CLSTN1: variants seen among roughly 807,000 people sequenced by gnomAD.
CLSTN1 encodes calsyntenin-1.
In CLSTN1, 28 loss-of-function variants were observed where a neutral mutation model predicts 108.3. The observed-to-expected ratio is 0.26, with a 90% confidence interval of 0.19 to 0.35. The LOEUF is 0.35. Among genes scored for constraint, CLSTN1 ranks in the 10% least tolerant of loss-of-function variants. The pLI is 1.00. For missense variants in CLSTN1, 1,157 were observed against 1,302.6 expected (o/e 0.89, Z 1.72); for synonymous variants, 524 against 534.9 (o/e 0.98, Z 0.28).
chr1:9,797,326 G>C (rs1172402496), intron 1 of CLSTN1, among the ~76,000 whole-genome samples: 1 of 152,108 alleles, frequency 6.6e-6, no homozygotes, highest in Non-Finnish European at 1.5e-5. Context: ...AAGTGGGGGA[G>C]GGAGAGGGTA....
Position 9,730,669 on chromosome 1 carries a change from C to G in CLSTN1, c.2785G>C (p.Glu929Gln), listed in dbSNP as rs1277219390. 1.2e-6 allele frequency: 2 copies of G among 1,605,692 alleles called. No homozygotes were observed. The highest frequency in any genetic ancestry group is 1.7e-6 in the Non-Finnish European group (2 of 1,177,696). ...EDQHSSEEEE[E>Q]EEEEEESEDG... Reference sequence around the variant, plus strand: ...TCGCTTTCCTCTTCCTCTTCCTCTTCCTCCTCCTCCTCACTGCTGTGCTGG... The same window carrying G: ...TCGCTTTCCTCTTCCTCTTCCTCTTGCTCCTCCTCCTCACTGCTGTGCTGG... The change falls in exon 19 of 19, where the codon GAA (glutamate) becomes CAA (glutamine). Residue 929 changes from glutamate to glutamine, a missense_variant. Glu to Gln is a conservative substitution (Grantham distance 29). Transcript: ENST00000377298. This position sits in a 1 kb window ranked among gnomAD's most constrained non-coding sequence, Gnocchi z 5.6.
At chr1:9,766,802 CTG>C (rs1319609256) in intron 2 of CLSTN1, among the ~76,000 whole-genome samples, 1 of 152,218 alleles carries the variant, frequency 6.6e-6, no homozygotes, top group South Asian at 2.1e-4. Flanking sequence ...TACCAAGACT[CTG>C]TATCAGAATT....
intron 4 of CLSTN1, among the ~76,000 whole-genome samples, chr1:9,753,096 G>C (rs1323939183): frequency 1.3e-5 from 2 of 152,112 alleles, no homozygotes; most frequent in African/African-American, 2.4e-5. Context: ...TCCACAGATG[G>C]GGGTGGGAGG....
At chr1:9,741,285 G>A in intron 9 of CLSTN1, 29 bp from the exon 10 acceptor site, 3 of 1,584,564 alleles carry the variant, frequency 1.9e-6, no homozygotes, top group South Asian at 1.1e-5. Context: ...GCGGGGAGGT[G>A]TGAGATGTCC....
Position 9,731,269 on chromosome 1 carries a change from G to A in CLSTN1, c.2685C>T (p.Thr895=), listed in dbSNP as rs773858861. 61 of 1,614,126 alleles carry A rather than the reference G, an allele frequency of 3.8e-5. No homozygotes were observed. The highest frequency in any genetic ancestry group is 4.4e-5 in the South Asian group (4 of 91,088). The change falls in exon 18 of 19, where the codon ACC becomes ACT. Residue 895 remains threonine, a synonymous_variant. Transcript: ENST00000377298. ...CCCAGTCCATCTCGTTCTCCTTCCC[G>A]GTGTCCTGATCCCGCATGGTCCGCC... ...AHRRTMRDQD[T]GKENEMDWDD... is the part of the protein sequence containing the mutation.
intron 1 of CLSTN1, among the ~76,000 whole-genome samples, chr1:9,797,764 GA>G (rs1186130036): frequency 6.6e-6 from 1 of 152,020 alleles, no homozygotes; most frequent in East Asian, 1.9e-4. Context: ...AGAGAGAGGG[GA>G]GGACAAGGTA....
At position 9,735,589 on chromosome 1, in the gene CLSTN1, T is replaced by C; in HGVS notation, c.1761A>G (p.Val587=). The C allele has an allele frequency of 6.2e-7, 1 of 1,614,004 alleles. No individual in the cohort carries two copies. The highest frequency in any genetic ancestry group is 8.5e-7 in the Non-Finnish European group (1 of 1,180,012). ...VQIQAHPSQL[V]LTLEGEDLGE... The stretch of plus-strand genomic sequence containing the variant: ...CGAGGTCTTCTCCCTCCAAGGTCAA[T>C]ACCAACTGGCTGGGGTGTGCTTGGA... Residue 587 remains valine, a synonymous_variant, in exon 13 of 19, where the codon GTA becomes GTG. Transcript: ENST00000377298.
At chr1:9,732,542 C>G (rs1027929705) in intron 16 of CLSTN1, among the ~76,000 whole-genome samples, 1 of 152,194 alleles carries the variant, frequency 6.6e-6, no homozygotes, top group African/African-American at 2.4e-5. Flanking sequence ...ATATCTCTTA[C>G]CCTTTGACTC....
Position 9,733,015 on chromosome 1 carries a change from ACCT to A in CLSTN1, c.2427+383_2427+385del, listed in dbSNP as rs567441899. Among the ~76,000 whole-genome samples, 122 of 152,192 alleles carry A rather than the reference ACCT, an allele frequency of 8.0e-4. 1 individual carries two copies. The Middle Eastern group carries it at 0.031, about 38-fold the overall frequency. On this transcript the variant is annotated intron_variant, in intron 16 of 18. Coordinates refer to ENST00000377298, the MANE Select transcript of CLSTN1 (RefSeq NM_001009566.3). ...AGACCAGCCTGGGCAACATAGTGAG[ACCT>A]CGTCTCTAAAAATAAATAAATAAAT...
chr1:9,768,334 CTA>C (rs1652457715), intron 2 of CLSTN1, among the ~76,000 whole-genome samples: 2 of 131,154 alleles, frequency 1.5e-5, no homozygotes, highest in Admixed American at 1.7e-4. Context: ...GGGCGGAGTT[CTA>C]TGTTGGGCGG....
chr1:9,764,153 G>C (rs1652214295), intron 2 of CLSTN1, among the ~76,000 whole-genome samples: 1 of 151,778 alleles, frequency 6.6e-6, no homozygotes, highest in South Asian at 2.1e-4. Flanking sequence ...GTGGGTGGGG[G>C]AGGAGGAGGA....
chr1:9,762,968 T>C (rs1327928857), intron 2 of CLSTN1, among the ~76,000 whole-genome samples: 5 of 152,142 alleles, frequency 3.3e-5, no homozygotes, highest in Admixed American at 3.3e-4. Flanking sequence ...ACCTTTTTTT[T>C]TCTTTTTTTT....
At chr1:9,770,029 C>A (rs1156836542) in intron 2 of CLSTN1, among the ~76,000 whole-genome samples, 77 of 115,702 alleles carry the variant, frequency 6.7e-4, no homozygotes, top group Admixed American at 9.3e-4. Context: ...GACTCCGTCT[C>A]AAAAAAAAAA....
In CLSTN1 at chr1:9,790,765, C is replaced by T. The variant is rs551316741; in HGVS notation, c.92-17371G>A. Reference sequence around the variant, plus strand: ...ATTCAGCTATATGAAAGGCAAGAGACAGCGACAATCACAAGGCTATTTTTG... The same window carrying T: ...ATTCAGCTATATGAAAGGCAAGAGATAGCGACAATCACAAGGCTATTTTTG... On this transcript the variant is annotated intron_variant, in intron 1 of 18. Transcript: ENST00000377298. Among the ~76,000 whole-genome samples, 5 of 151,334 alleles carry T rather than the reference C, an allele frequency of 3.3e-5. 1 individual carries two copies. In the South Asian group the frequency reaches 1.1e-3, roughly 33 times the overall value.
At chr1:9,808,860 C>T (rs1654615857) in intron 1 of CLSTN1, among the ~76,000 whole-genome samples, 1 of 151,898 alleles carries the variant, frequency 6.6e-6, no homozygotes, top group African/African-American at 2.4e-5. Context: ...GATAAGAGTA[C>T]AGCCGGGACT....
Position 9,786,777 on chromosome 1 carries a change from T to C in CLSTN1, c.92-13383A>G, listed in dbSNP as rs555858650. Among the ~76,000 whole-genome samples, 3 of 150,908 alleles carry C rather than the reference T, an allele frequency of 2.0e-5. No individual in the cohort carries two copies. In the East Asian group the frequency reaches 5.9e-4, roughly 30 times the overall value. On this transcript the variant is annotated intron_variant, in intron 1 of 18. Transcript: ENST00000377298. Reference sequence around the variant, plus strand: ...CCACCAGGCGGTCTATGGCTGGGCATGGGCTCACCACTACCCAGCTCACAG... The same window carrying C: ...CCACCAGGCGGTCTATGGCTGGGCACGGGCTCACCACTACCCAGCTCACAG...
rs181756786 is a variant in CLSTN1, at chr1:9,786,905, A to C, written c.92-13511T>G. Reference sequence around the variant, plus strand: ...AATGAGCAGGAACAGATGGAGGAGGAACCCCTATGTCCTTCTCCCTGGTGC... The same window carrying C: ...AATGAGCAGGAACAGATGGAGGAGGCACCCCTATGTCCTTCTCCCTGGTGC... On this transcript the variant is annotated intron_variant, in intron 1 of 18. Transcript: ENST00000377298. Among the ~76,000 whole-genome samples the C allele has an allele frequency of 1.3e-5, 2 of 151,406 alleles. 1 individual carries two copies. The highest frequency in any genetic ancestry group is 4.0e-4 in the East Asian group (2 of 5,056).
chr1:9,747,173 T>C (rs1272463935), intron 7 of CLSTN1, among the ~76,000 whole-genome samples: 4 of 100,448 alleles, frequency 4.0e-5, no homozygotes, highest in South Asian at 6.6e-4. Context: ...AGGGAGACTG[T>C]CTCAAAAAAA....
chr1:9,802,400 G>A (rs963851002), intron 1 of CLSTN1, among the ~76,000 whole-genome samples: 20 of 152,154 alleles, frequency 1.3e-4, no homozygotes, highest in African/African-American at 4.8e-4. Context: ...TGTCAACTCT[G>A]CAACTGTGAT....
Sources: allele counts gnomAD v4.1 joint callset (sites outside exome capture counted in the v4.1 genomes callset), GRCh38; gene constraint gnomAD v4.1.1; non-coding constraint Gnocchi (gnomAD v3.1); transcripts MANE v1.5; gene names NCBI Gene and HGNC (gene_info 2026-07-23, HGNC 2026-07-21).